Variants in MCM3AP observed in about 807,000 individuals in gnomAD.
MCM3AP encodes the protein minichromosome maintenance complex component 3 associated protein, also known as germinal-center associated nuclear protein.
Under a neutral mutation model 184.1 loss-of-function variants are expected in MCM3AP, and 126 were observed. That is an observed-to-expected ratio of 0.68 (90% CI 0.59 to 0.79). The LOEUF is 0.79. Ranked by LOEUF, MCM3AP falls within the 30% of genes least tolerant of loss-of-function variation. The pLI, the probability that MCM3AP is intolerant of heterozygous loss-of-function variation, is 0.00. For synonymous variants in MCM3AP, 1,002 were observed against 979.3 expected, an observed-to-expected ratio of 1.02 and a Z score of -0.43; for missense variants, 2,496 against 2,479.2, an observed-to-expected ratio of 1.01 and a Z score of -0.14.
intron 26 of MCM3AP, among the ~76,000 whole-genome samples, chr21:46,240,610 T>C (rs2080644222): frequency 1.3e-5 from 2 of 152,228 alleles, no homozygotes; most frequent in Non-Finnish European, 2.9e-5. Context: ...CACTTCAATA[T>C]AAACAGTTAG....
Position 46,277,655 on chromosome 21 carries a change from G to A in MCM3AP, c.1730C>T (p.Ser577Leu), listed in dbSNP as rs2081272792. ...AHQFEGDSFD[S>L]ASEGSEGLGP... ...GAGGCCCTCGGAGCCCTCGGAGGCTGAGTCAAAAGAGTCTCCCTCGAATTG... is the reference window on the plus strand; with the variant it reads ...GAGGCCCTCGGAGCCCTCGGAGGCTAAGTCAAAAGAGTCTCCCTCGAATTG... Residue 577 changes from serine to leucine, a missense_variant, in exon 5 of 28, where the codon TCA (serine) becomes TTA (leucine). Ser to Leu is a moderately radical substitution (Grantham distance 145). Transcript: ENST00000291688. The A allele has an allele frequency of 1.2e-6, 2 of 1,609,218 alleles. No individual in the cohort carries two copies. Among genetic ancestry groups the A allele is most frequent in the African/African-American group, 1.3e-5 (1 of 74,694 alleles).
At chr21:46,243,137 G>T in intron 24 of MCM3AP, 1 of 596,144 alleles carries the variant, frequency 1.7e-6, no homozygotes, top group South Asian at 2.2e-5. Flanking sequence ...GGGTTAAATA[G>T]GCTCCCAGGG....
At chr21:46,280,651 A>T in intron 2 of MCM3AP, 76 bp from the exon 3 acceptor site, 1 of 982,040 alleles carries the variant, frequency 1.0e-6, no homozygotes, top group Non-Finnish European at 1.6e-6. Flanking sequence ...ACTCAAATGC[A>T]GTAAGCACAA....
At chr21:46,237,991 T>C (rs958500857) in intron 26 of MCM3AP, among the ~76,000 whole-genome samples, 5 of 112,740 alleles carry the variant, frequency 4.4e-5, no homozygotes, top group Non-Finnish European at 9.2e-5. Flanking sequence ...TCCCAGCTAC[T>C]TGGGAGGCTG....
intron 2 of MCM3AP, among the ~76,000 whole-genome samples, chr21:46,283,134 C>G (rs1254583373): frequency 6.6e-6 from 1 of 152,116 alleles, no homozygotes; most frequent in Non-Finnish European, 1.5e-5. Context: ...ACCGTGTTAG[C>G]CAGGATGGTC....
At chr21:46,235,516 G>A (rs1446282511) in intron 27 of MCM3AP, 90 bp from the exon 28 acceptor site, 2 of 1,095,684 alleles carry the variant, frequency 1.8e-6, no homozygotes. Flanking sequence ...GATCATGTTA[G>A]AAACCTCATC....
At position 46,254,269 on chromosome 21, in the gene MCM3AP, T is replaced by TA; in HGVS notation, c.4136+122dup. On this transcript the variant is annotated intron_variant, in intron 19 of 27. Transcript: ENST00000291688. ...CAAAACAGACTGTAAATCCAAGCAT[T>TA]AAAACATAAACCTACACTTCCGAGT... 3 of 1,021,930 alleles carry TA rather than the reference T, an allele frequency of 2.9e-6. No homozygotes were observed. The Admixed American group carries it at 7.0e-5, about 24-fold the overall frequency. The allele number at this position is 1,021,930 out of a possible 1,614,324, so 63.3% of individuals were successfully genotyped here. A position where few individuals can be genotyped will look rare whatever the true frequency, so the allele number is the denominator to read the frequency against.
chr21:46,270,021 C>T (rs2081160380), intron 9 of MCM3AP, among the ~76,000 whole-genome samples: 2 of 152,318 alleles, frequency 1.3e-5, no homozygotes, highest in South Asian at 4.1e-4. Flanking sequence ...GCGCCATCAG[C>T]CTCACTCCAG....
rs2081101739 is a variant in MCM3AP, at chr21:46,265,643, G to T, written c.3032-120C>A. The T allele has an allele frequency of 4.7e-6, 4 of 843,750 alleles. No individual in the cohort carries two copies. In the South Asian group the frequency reaches 7.5e-5, roughly 16 times the overall value. The allele number at this position is 843,750 out of a possible 1,614,324, so 52.3% of individuals were successfully genotyped here. A position where few individuals can be genotyped will look rare whatever the true frequency, so the allele number is the denominator to read the frequency against. Reference sequence around the variant, plus strand: ...CCACAGTGACCCTGAGGACTGGCCTGCCCTCCAGGAGACCAGCTACGTGGG... The same window carrying T: ...CCACAGTGACCCTGAGGACTGGCCTTCCCTCCAGGAGACCAGCTACGTGGG... On this transcript the variant is annotated intron_variant, in intron 11 of 27. Transcript: ENST00000291688.
rs1250195848 is a variant in MCM3AP at position 46,238,561 on chromosome 21, A to T, written c.5634-1582T>A. Among the ~76,000 whole-genome samples, 4 of 119,716 alleles carry T rather than the reference A, an allele frequency of 3.3e-5. 2 individuals carry two copies. The highest frequency in any genetic ancestry group is 1.4e-4 in the African/African-American group (4 of 29,562). 78.5% of individuals were successfully genotyped at this position (119,716 alleles called of 152,430 possible). A position where few individuals can be genotyped will look rare whatever the true frequency, so the allele number is the denominator to read the frequency against. On this transcript the variant is annotated intron_variant, in intron 26 of 27. Transcript: ENST00000291688. ...CGTCTCTACTAAAAATACAAAAATC[A>T]GCCAGGCATGGTGATGGGTACCTGT...
chr21:46,243,177 T>C (rs890116890), intron 24 of MCM3AP, among the ~76,000 whole-genome samples: 1 of 152,140 alleles, frequency 6.6e-6, no homozygotes, highest in African/African-American at 2.4e-5. Context: ...CCAGACAAGC[T>C]TACATCGAGA....
At chr21:46,244,716 C>T in intron 23 of MCM3AP, 91 bp downstream of exon 23, 1 of 1,395,114 alleles carries the variant, frequency 7.2e-7, no homozygotes, top group South Asian at 1.4e-5. Context: ...CACACTGGTG[C>T]CCAACACCTG....
rs992010107 is a variant in MCM3AP at position 46,285,298 on chromosome 21, A to G, written c.-12T>C. The G allele has an allele frequency of 1.9e-6, 3 of 1,575,404 alleles. No homozygotes were observed. The highest frequency in any genetic ancestry group is 1.7e-5 in the Admixed American group (1 of 59,024). ...TTAGTTGGGTTCATCTTCTGCTCCA[A>G]TTATTAGAAGGTAATTAAGTATTAT... On this transcript the variant is annotated 5_prime_UTR_variant, in exon 1 of 28. Transcript: ENST00000291688.
chr21:46,278,710 G>A (rs1352731357), intron 4 of MCM3AP, among the ~76,000 whole-genome samples: 1 of 151,374 alleles, frequency 6.6e-6, no homozygotes, highest in Non-Finnish European at 1.5e-5. Context: ...GTCTCGCTCT[G>A]TTGCCCAGTC....
intron 17 of MCM3AP, among the ~76,000 whole-genome samples, chr21:46,256,050 G>A (rs894598935): frequency 1.3e-5 from 2 of 152,228 alleles, no homozygotes; most frequent in Middle Eastern, 3.2e-3. Flanking sequence ...ATGACCAGGA[G>A]GAGGACAAGA....
chr21:46,251,881 C>CTTTTTTTTTTT (rs754670172), intron 19 of MCM3AP, 199 bp from the exon 20 acceptor site: 14 of 127,752 alleles, frequency 1.1e-4, no homozygotes, highest in Non-Finnish European at 1.9e-4. Context: ...TGTACTCGTT[C>CTTTTTTTTTTT]TTTTTTTTTT....
At chr21:46,266,558 TGCC>T in intron 10 of MCM3AP, 1 of 230,860 alleles carries the variant, frequency 4.3e-6, no homozygotes, top group Admixed American at 5.3e-5. Flanking sequence ...GAGTGTAAGC[TGCC>T]AGTTTCTGAG....
At position 46,275,192 on chromosome 21, in the gene MCM3AP, A is replaced by AGTCCCTGGG. The variant is rs2081240293; in HGVS notation, c.1983_1991dup (p.Pro662_Thr664dup). On this transcript the variant is annotated inframe_insertion, in exon 6 of 28. Coordinates refer to ENST00000291688, the MANE Select transcript of MCM3AP (RefSeq NM_003906.5). ...GGGAGATGCAGGGCTCTACCTGGTC[A>AGTCCCTGGG]GTCCCTGGGACCACTTCGAACACGC... 1 of 1,613,124 alleles carries AGTCCCTGGG rather than the reference A, an allele frequency of 6.2e-7. No individual in the cohort carries two copies.
Position 46,280,137 on chromosome 21 carries a change from C to A in MCM3AP, c.1523G>T (p.Ser508Ile). The change falls in exon 4 of 28, where the codon AGC becomes ATC. Residue 508 changes from serine to isoleucine, a missense_variant and splice_region_variant. Coordinates refer to ENST00000291688, the MANE Select transcript of MCM3AP (RefSeq NM_003906.5). ...CAGGGAAAAGGGTTTCTTATTGGGGCCTGTGGACATAGGAGGCAGAAAAGA... is the reference window on the plus strand; with the variant it reads ...CAGGGAAAAGGGTTTCTTATTGGGGACTGTGGACATAGGAGGCAGAAAAGA... Reference protein sequence around the residue: ...MAIFWHRKKISPNKKPFSLKE... With the variant: ...MAIFWHRKKIIPNKKPFSLKE... The A allele has an allele frequency of 6.2e-7, 1 of 1,613,972 alleles. No individual in the cohort carries two copies.
Sources: gnomAD v4.1 joint callset for allele counts (sites outside exome capture counted in the v4.1 genomes callset) on GRCh38, gnomAD v4.1.1 for gene constraint, MANE v1.5 for transcripts, NCBI Gene and HGNC (gene_info 2026-07-23, HGNC 2026-07-21) for gene names.